Variants in MACROD2 observed in about 807,000 individuals in gnomAD.
The protein encoded by MACROD2 is ADP-ribose glycohydrolase MACROD2.
MACROD2 carries 36 observed loss-of-function variants against 70.4 expected under a neutral mutation model. The observed-to-expected ratio is 0.51, with a 90% confidence interval of 0.39 to 0.68. The LOEUF is 0.68. MACROD2 is among the 30% of genes least tolerant of loss of function. MACROD2 has a pLI of 0.00. For synonymous variants in MACROD2, 172 were observed against 178.8 expected, an observed-to-expected ratio of 0.96 and a Z score of 0.30; for missense variants, 496 against 538.4, an observed-to-expected ratio of 0.92 and a Z score of 0.78.
At chr20:14,083,414 ACT>A (rs1189192107) in intron 2 of MACROD2, among the ~76,000 whole-genome samples, 1 of 138,528 alleles carries the variant, frequency 7.2e-6, no homozygotes, top group East Asian at 2.0e-4. Flanking sequence ...CAAGAATGAA[ACT>A]CTGTCTCAAA....
chr20:15,848,372 G>C (rs2064258428), intron 8 of MACROD2, among the ~76,000 whole-genome samples: 1 of 151,786 alleles, frequency 6.6e-6, no homozygotes, highest in East Asian at 1.9e-4. Flanking sequence ...GGGGAGGGGG[G>C]GGTCATCTTC....
intron 5 of MACROD2, among the ~76,000 whole-genome samples, chr20:14,944,672 C>G (rs940248717): frequency 6.6e-6 from 1 of 152,152 alleles, no homozygotes; most frequent in African/African-American, 2.4e-5. Context: ...GAGTCTGTTG[C>G]AGCTGAATGT....
At chr20:14,268,415 C>T (rs2082162168) in intron 3 of MACROD2, among the ~76,000 whole-genome samples, 1 of 152,158 alleles carries the variant, frequency 6.6e-6, no homozygotes, top group Non-Finnish European at 1.5e-5. Context: ...TAACCTTTCT[C>T]CCTTTTTGAA....
chr20:15,128,943 A>G (rs2076085711), intron 5 of MACROD2, among the ~76,000 whole-genome samples: 3 of 151,866 alleles, frequency 2.0e-5, no homozygotes, highest in Admixed American at 1.3e-4. Context: ...TAAATCATTT[A>G]TACTCATTTT....
intron 5 of MACROD2, among the ~76,000 whole-genome samples, chr20:15,134,587 T>C (rs1173211736): frequency 1.3e-5 from 2 of 152,042 alleles, no homozygotes; most frequent in Non-Finnish European, 2.9e-5. Flanking sequence ...GGGAAATTTA[T>C]AGCACTAAAT....
intron 3 of MACROD2, among the ~76,000 whole-genome samples, chr20:14,148,040 G>T (rs2054965285): frequency 6.6e-6 from 1 of 152,024 alleles, no homozygotes; most frequent in African/African-American, 2.4e-5. Flanking sequence ...CACCAGATAA[G>T]AAAAATTGAA....
intron 9 of MACROD2, among the ~76,000 whole-genome samples, chr20:15,866,410 A>G (rs1040215190): frequency 9.9e-5 from 15 of 151,890 alleles, no homozygotes; most frequent in Admixed American, 5.2e-4. Flanking sequence ...AAATATAAAT[A>G]AATAAATAAA....
chr20:15,885,689 A>G lies in MACROD2; in HGVS notation c.728-75A>G, dbSNP rs547108875. On this transcript the variant is annotated intron_variant, in intron 9 of 17. Transcript: ENST00000684519. The stretch of plus-strand genomic sequence containing the variant: ...TTATCCCTTTCTTTGATTTTTTTTA[A>G]TAATCCATCTGGAACATTCTTGTGT... 1.4e-4 allele frequency: 177 copies of G among 1,299,434 alleles called. 1 individual carries two copies. In the African/African-American group the frequency reaches 2.9e-3, roughly 21 times the overall value. The allele number at this position is 1,299,434 out of a possible 1,614,324, so 80.5% of individuals were successfully genotyped here.
chr20:14,685,084 T>TGA, intron 5 of MACROD2, 125 bp downstream of exon 5: 1 of 691,008 alleles, frequency 1.4e-6, no homozygotes, highest in East Asian at 2.6e-5. Context: ...GTTCAGATTT[T>TGA]GTACATGGTA....
intron 7 of MACROD2, among the ~76,000 whole-genome samples, chr20:15,465,075 G>T (rs2046867534): frequency 6.6e-6 from 1 of 151,574 alleles, no homozygotes; most frequent in African/African-American, 2.4e-5. Flanking sequence ...CTATTTTTTT[G>T]GAGATTATAT....
intron 3 of MACROD2, among the ~76,000 whole-genome samples, chr20:14,401,828 C>T (rs1439801775): frequency 6.6e-6 from 1 of 151,876 alleles, no homozygotes; most frequent in Non-Finnish European, 1.5e-5. Context: ...TGTTTTATTT[C>T]ATATTTATTT....
intron 5 of MACROD2, among the ~76,000 whole-genome samples, chr20:14,717,524 C>T (rs2071410507): frequency 7.0e-6 from 1 of 143,040 alleles, no homozygotes; most frequent in Non-Finnish European, 1.5e-5. Context: ...TACTGAATAC[C>T]TTTTATGTAG....
intron 15 of MACROD2, among the ~76,000 whole-genome samples, chr20:16,036,214 T>G (rs2067233276): frequency 6.6e-6 from 1 of 151,948 alleles, no homozygotes; most frequent in South Asian, 2.1e-4. Context: ...AATAATTACT[T>G]GTAATTCTAT....
chr20:15,477,482 G>T (rs2047038354), intron 7 of MACROD2, among the ~76,000 whole-genome samples: 1 of 151,830 alleles, frequency 6.6e-6, no homozygotes, highest in South Asian at 2.1e-4. Context: ...TTTAAAATTT[G>T]ACGGGTATGT....
intron 3 of MACROD2, among the ~76,000 whole-genome samples, chr20:14,246,976 A>C (rs2081972662): frequency 6.6e-6 from 1 of 152,130 alleles, no homozygotes; most frequent in Admixed American, 6.6e-5. Flanking sequence ...TGAATTCCAG[A>C]ATATCCTTTT....
At chr20:14,341,546 A>G (rs986439839) in intron 3 of MACROD2, among the ~76,000 whole-genome samples, 2 of 152,152 alleles carry the variant, frequency 1.3e-5, no homozygotes, top group African/African-American at 2.4e-5. Flanking sequence ...GGCTGAGGCA[A>G]GAGAACCACT....
chr20:14,110,754 A>G (rs958462482), intron 3 of MACROD2, among the ~76,000 whole-genome samples: 2 of 151,972 alleles, frequency 1.3e-5, no homozygotes, highest in African/African-American at 4.8e-5. Context: ...GATATTCCAC[A>G]TTCATGGATT....
rs911346982 is a variant in MACROD2, at chr20:15,111,193, G to A, written c.419-118747G>A. Among the ~76,000 whole-genome samples the A allele has an allele frequency of 6.0e-5, 8 of 133,350 alleles. No homozygotes were observed. In the South Asian group the frequency reaches 9.1e-4, roughly 15 times the overall value. The allele number at this position is 133,350 out of a possible 152,430, so 87.5% of individuals were successfully genotyped here. A position where few individuals can be genotyped will look rare whatever the true frequency, so the allele number is the denominator to read the frequency against. ...TTTTTGTTTGTTTTTTTTTTTTTGC[G>A]ACGGAGTCTCACTCTGTTGCCCAGG... On this transcript the variant is annotated intron_variant, in intron 5 of 17. Coordinates refer to ENST00000684519, the MANE Select transcript of MACROD2 (RefSeq NM_001351661.2).
At chr20:15,341,369 T>C (rs1211075001) in intron 6 of MACROD2, among the ~76,000 whole-genome samples, 1 of 152,178 alleles carries the variant, frequency 6.6e-6, no homozygotes, top group Non-Finnish European at 1.5e-5. Context: ...AATAATATTA[T>C]AGTATCTTAT....
Sources: gnomAD v4.1 joint callset for allele counts (sites outside exome capture counted in the v4.1 genomes callset) on GRCh38, gnomAD v4.1.1 for gene constraint, MANE v1.5 for transcripts, NCBI Gene and HGNC (gene_info 2026-07-23, HGNC 2026-07-21) for gene names.